Variants in ERG observed in about 807,000 individuals in gnomAD.
ERG encodes ETS transcription factor ERG, also known as transcriptional regulator ERG.
Under a neutral mutation model 55.3 loss-of-function variants are expected in ERG, and 9 were observed. The observed-to-expected ratio is 0.16, with a 90% CI of 0.10 to 0.28. The LOEUF (loss-of-function observed/expected upper bound fraction) is 0.28, where lower values mean the gene tolerates loss of function less well. Among genes scored for constraint, ERG ranks in the 10% least tolerant of loss-of-function variants. ERG has a pLI of 1.00. For missense variants in ERG, 434 were observed against 631.6 expected, an observed-to-expected ratio of 0.69 and a Z score of 3.35; for synonymous variants, 223 against 237.3, an observed-to-expected ratio of 0.94 and a Z score of 0.55.
chr21:38,535,094 C>T (rs531261218), intron 2 of ERG, among the ~76,000 whole-genome samples: 8 of 151,974 alleles, frequency 5.3e-5, no homozygotes, highest in Non-Finnish European at 8.8e-5. Context: ...AGCTATTTTC[C>T]CTAAGGCTCT....
chr21:38,615,372 T>C (rs2060252407), intron 1 of ERG, among the ~76,000 whole-genome samples: 1 of 152,162 alleles, frequency 6.6e-6, no homozygotes, highest in Admixed American at 6.5e-5. Context: ...AACTGACTTG[T>C]CATGGAGCCT....
chr21:38,643,666 C>T (rs555230084), intron 1 of ERG, among the ~76,000 whole-genome samples: 4 of 152,250 alleles, frequency 2.6e-5, no homozygotes, highest in East Asian at 1.9e-4. Flanking sequence ...AAGAGGATTC[C>T]GCCCCACCGG....
intron 1 of ERG, among the ~76,000 whole-genome samples, chr21:38,646,272 CTCTG>C (rs1471506738): frequency 3.1e-5 from 4 of 130,836 alleles, no homozygotes; most frequent in African/African-American, 1.2e-4. Flanking sequence ...CAGAGGGAGT[CTCTG>C]TCTAAAAAAA....
At chr21:38,509,174 A>T (rs1379629570) in intron 2 of ERG, among the ~76,000 whole-genome samples, 1 of 152,212 alleles carries the variant, frequency 6.6e-6, no homozygotes, top group Non-Finnish European at 1.5e-5. Context: ...TGTGATTTTA[A>T]GCCACTGAGT....
chr21:38,648,418 A>G lies in ERG; in HGVS notation c.-150+13240T>C, dbSNP rs143451550. Among the ~76,000 whole-genome samples, 305 of 152,338 alleles carry G rather than the reference A, an allele frequency of 2.0e-3. 2 individuals carry two copies. Among genetic ancestry groups the G allele is most frequent in the African/African-American group, 7.1e-3 (297 of 41,574 alleles). On this transcript the variant is annotated intron_variant, in intron 1 of 10. Coordinates refer to the ERG transcript ENST00000398910. ...CACAGAGCTTACGTATGCCAGCATT[A>G]CAGAATGCAAAAAATAACTTTGCAA...
chr21:38,659,008 A>T (rs1248012426), intron 1 of ERG, among the ~76,000 whole-genome samples: 1 of 152,210 alleles, frequency 6.6e-6, no homozygotes, highest in Admixed American at 6.5e-5. Context: ...TCTACTCTAA[A>T]TTTTTTTAAA....
intron 1 of ERG, among the ~76,000 whole-genome samples, chr21:38,446,164 T>C (rs2058889829): frequency 6.9e-6 from 1 of 145,622 alleles, no homozygotes; most frequent in Non-Finnish European, 1.5e-5. Flanking sequence ...TCTAAGTTAT[T>C]AGCCGAAGTA....
At chr21:38,378,478 A>G (rs1987301685), downstream of ERG, among the ~76,000 whole-genome samples, 1 of 152,222 alleles carries the variant, frequency 6.6e-6, no homozygotes, top group Non-Finnish European at 1.5e-5. Flanking sequence ...CTGGATGTTC[A>G]TTCATGCATA....
At chr21:38,397,366 G>A (rs1354729457) in intron 6 of ERG, among the ~76,000 whole-genome samples, 1 of 152,128 alleles carries the variant, frequency 6.6e-6, no homozygotes, top group Non-Finnish European at 1.5e-5. Flanking sequence ...TTGGGAGGCA[G>A]AGGTGGGCGG....
chr21:38,455,165 G>C lies in ERG; in HGVS notation c.19-9544C>G, dbSNP rs375877807. On this transcript the variant is annotated intron_variant, in intron 1 of 9. Coordinates refer to ENST00000288319, the MANE Select transcript of ERG (RefSeq NM_182918.4). ...AATAGCACAAGGCACAAAGTTGATAGCCCTCAAACTTCTGAAGAAAAGTCT... is the reference window on the plus strand; with the variant it reads ...AATAGCACAAGGCACAAAGTTGATACCCCTCAAACTTCTGAAGAAAAGTCT... 4.5e-4 allele frequency among the ~76,000 whole-genome samples: 66 copies of C among 148,158 alleles called. 1 individual carries two copies. The highest frequency in any genetic ancestry group is 7.2e-3 in the Middle Eastern group (2 of 276).
At chr21:38,386,613 T>C (rs1987701780) in intron 9 of ERG, among the ~76,000 whole-genome samples, 2 of 152,144 alleles carry the variant, frequency 1.3e-5, no homozygotes, top group Admixed American at 1.3e-4. Context: ...GAATATAGAA[T>C]AGAGATTTCC....
chr21:38,469,039 C>T (rs2059117388), intron 1 of ERG, among the ~76,000 whole-genome samples: 1 of 136,334 alleles, frequency 7.3e-6, no homozygotes, highest in South Asian at 2.4e-4. Flanking sequence ...AAGACCAGAA[C>T]TCTAGCCCTT....
intron 3 of ERG, among the ~76,000 whole-genome samples, chr21:38,411,991 T>A (rs1989079653): frequency 6.6e-6 from 1 of 152,222 alleles, no homozygotes; most frequent in African/African-American, 2.4e-5. Context: ...GTATATTTAG[T>A]CTGCTTTCTA....
intron 2 of ERG, among the ~76,000 whole-genome samples, chr21:38,505,194 G>GT (rs2059450901): frequency 1.3e-5 from 2 of 152,176 alleles, no homozygotes. Context: ...ATTTGCATGA[G>GT]TATCACCAGG....
chr21:38,543,998 C>T (rs943021172), intron 2 of ERG, among the ~76,000 whole-genome samples: 12 of 152,208 alleles, frequency 7.9e-5, no homozygotes, highest in South Asian at 2.1e-4. Context: ...CCTTGACCTC[C>T]GAAAGTGCTG....
In ERG at chr21:38,482,567, T is replaced by C. The variant is rs370938029; in HGVS notation, c.18+15796A>G. Among the ~76,000 whole-genome samples, 42 of 152,274 alleles carry C rather than the reference T, an allele frequency of 2.8e-4. 1 individual carries two copies. The East Asian group carries it at 6.4e-3, about 23-fold the overall frequency. The stretch of plus-strand genomic sequence containing the variant: ...TCTCGTAAAGATACCCGCAGTGCCA[T>C]ATTCATTGCAGCATTACTCACAATA... On this transcript the variant is annotated intron_variant, in intron 1 of 9. Coordinates refer to ENST00000288319, the MANE Select transcript of ERG (RefSeq NM_182918.4).
downstream of ERG, among the ~76,000 whole-genome samples, chr21:38,377,934 C>A (rs936180714): frequency 6.6e-6 from 1 of 152,208 alleles, no homozygotes; most frequent in East Asian, 1.9e-4. Context: ...AACATGAAAG[C>A]AAAGTTCATT....
At chr21:38,409,611 A>G (rs1988948564) in intron 3 of ERG, among the ~76,000 whole-genome samples, 1 of 151,972 alleles carries the variant, frequency 6.6e-6, no homozygotes, top group Admixed American at 6.6e-5. Flanking sequence ...ATTAACAGCG[A>G]GGATTTTGAC....
In ERG at chr21:38,427,702, C is replaced by T. The variant is rs190457627; in HGVS notation, c.237-4141G>A. ...TCATTTCAGGAAGGCATCAGGGACTCCCTGACCCATACACTACTCTGGTTT... is the reference window on the plus strand; with the variant it reads ...TCATTTCAGGAAGGCATCAGGGACTTCCTGACCCATACACTACTCTGGTTT... On this transcript the variant is annotated intron_variant, in intron 2 of 9. Transcript: ENST00000288319. 2.3e-3 allele frequency among the ~76,000 whole-genome samples: 355 copies of T among 152,248 alleles called. 1 individual carries two copies. Among genetic ancestry groups the T allele is most frequent in the Non-Finnish European group, 4.3e-3 (293 of 68,016 alleles).
Sources: allele counts gnomAD v4.1 joint callset (sites outside exome capture counted in the v4.1 genomes callset), GRCh38; gene constraint gnomAD v4.1.1; transcripts MANE v1.5; gene names NCBI Gene and HGNC (gene_info 2026-07-23, HGNC 2026-07-21).